The following CPSF4L variants were observed in gnomAD, a reference collection of about 807,000 sequenced individuals.
CPSF4L encodes putative cleavage and polyadenylation specificity factor subunit 4-like protein.
CPSF4L carries 18 observed loss-of-function variants against 24.0 expected under a neutral mutation model. That is an observed-to-expected ratio of 0.75 (90% CI 0.52 to 1.11). The LOEUF is 1.11. Among genes scored for constraint, CPSF4L ranks in the 50% least tolerant of loss-of-function variants. CPSF4L has a pLI of 0.00. For missense variants in CPSF4L, 211 were observed against 221.8 expected, an observed-to-expected ratio of 0.95 and a Z score of 0.31; for synonymous variants, 72 against 77.2, an observed-to-expected ratio of 0.93 and a Z score of 0.35.
At chr17:73,255,953 G>A (rs2062023633) in intron 3 of CPSF4L, among the ~76,000 whole-genome samples, 1 of 152,174 alleles carries the variant, frequency 6.6e-6, no homozygotes, top group African/African-American at 2.4e-5. Flanking sequence ...CAGTGACTCT[G>A]TCCCACTCCT....
At chr17:73,248,755 C>A in intron 5 of CPSF4L, 1 of 512,686 alleles carries the variant, frequency 2.0e-6, no homozygotes, top group Non-Finnish European at 3.5e-6. Flanking sequence ...GGATTAACCT[C>A]GGGGCGGCCT....
intron 3 of CPSF4L, among the ~76,000 whole-genome samples, chr17:73,254,937 C>T (rs1009830823): frequency 5.3e-5 from 8 of 152,156 alleles, no homozygotes; most frequent in Non-Finnish European, 8.8e-5. Context: ...CCACCACGCC[C>T]GGACCCAGGT....
At chr17:73,258,231 C>T (rs1290160931) in intron 2 of CPSF4L, among the ~76,000 whole-genome samples, 3 of 152,036 alleles carry the variant, frequency 2.0e-5, no homozygotes, top group Admixed American at 6.6e-5. Context: ...AGGATGGTCT[C>T]GATCTCCTGA....
intron 4 of CPSF4L, 26 bp from the exon 5 acceptor site, chr17:73,252,749 G>A (rs1220097932): frequency 6.7e-7 from 1 of 1,488,684 alleles, no homozygotes; most frequent in African/African-American, 1.4e-5. Context: ...AAAGTGATGA[G>A]AAGGATCCGC....
chr17:73,261,603 A>C, intron 1 of CPSF4L, 113 bp downstream of exon 1: 2 of 743,120 alleles, frequency 2.7e-6, no homozygotes, highest in Admixed American at 2.3e-5. Context: ...AGAGCTTGCA[A>C]TGAGCCGAGA....
intron 4 of CPSF4L, among the ~76,000 whole-genome samples, 195 bp downstream of exon 4, chr17:73,253,736 G>C (rs1462935787): frequency 1.3e-5 from 2 of 152,222 alleles, no homozygotes; most frequent in African/African-American, 4.8e-5. Flanking sequence ...AAGTCAGTCT[G>C]CCTCAAGCCT....
In CPSF4L at chr17:73,253,859, GC is replaced by G; in HGVS notation, c.403+71del. Reference sequence around the variant, plus strand: ...AAGGCACAGCCTCATCAGGAAAATGGCCCCTCCCCTGCTGAGAGCTCCCACC... The same window carrying G: ...AAGGCACAGCCTCATCAGGAAAATGGCCCTCCCCTGCTGAGAGCTCCCACC... On this transcript the variant is annotated intron_variant, in intron 4 of 5. Coordinates refer to ENST00000344935, the MANE Select transcript of CPSF4L (RefSeq NM_001129885.1). 4 of 973,956 alleles carry G rather than the reference GC, an allele frequency of 4.1e-6. No individual in the cohort carries two copies. In the South Asian group the frequency reaches 6.0e-5, roughly 15 times the overall value. The allele number at this position is 973,956 out of a possible 1,614,324, so 60.3% of individuals were successfully genotyped here.
At chr17:73,253,149 C>T (rs1177548848) in intron 4 of CPSF4L, among the ~76,000 whole-genome samples, 2 of 152,098 alleles carry the variant, frequency 1.3e-5, no homozygotes, top group Non-Finnish European at 2.9e-5. Context: ...CACTTCAGCC[C>T]AGGAGTTCGA....
upstream of CPSF4L, among the ~76,000 whole-genome samples, chr17:73,262,706 C>G (rs1274016158): frequency 6.6e-6 from 1 of 152,236 alleles, no homozygotes; most frequent in Non-Finnish European, 1.5e-5. Context: ...TCCCCCTCCC[C>G]CTGCTCTGGC....
chr17:73,246,422 G>A (rs1393695744), downstream of CPSF4L, among the ~76,000 whole-genome samples: 1 of 152,132 alleles, frequency 6.6e-6, no homozygotes, highest in East Asian at 1.9e-4. Context: ...TGTAGTCCCA[G>A]CTACTCAGGA....
At chr17:73,248,557 C>G in intron 5 of CPSF4L, 21 bp from the exon 6 acceptor site, 1 of 1,551,458 alleles carries the variant, frequency 6.4e-7, no homozygotes, top group Non-Finnish European at 8.7e-7. Flanking sequence ...CATACAAATG[C>G]AGCGTGAGAA....
In CPSF4L at chr17:73,248,520, T is replaced by C; in HGVS notation, c.514A>G (p.Lys172Glu). Residue 172 changes from lysine (K) to glutamate (E), a missense_variant, in exon 6 of 6, where the codon AAG becomes GAG. Transcript: ENST00000344935. ...TAGATCTTGCTTCCAGGCAGCAGCT[T>C]GAATTCCCGAATCTTCCTGCAAGGT... is the stretch of plus-strand genomic sequence containing the variant. ...CQFAQKIREF[K>E]LLPGSKI 6.4e-7 allele frequency: 1 copy of C among 1,551,690 alleles called. No individual in the cohort carries two copies. Among genetic ancestry groups the C allele is most frequent in the South Asian group, 1.2e-5 (1 of 84,054 alleles).
intron 2 of CPSF4L, among the ~76,000 whole-genome samples, chr17:73,260,716 G>C (rs12603155): frequency 0.042 from 6,359 of 152,232 alleles, 302 homozygotes; most frequent in African/African-American, 0.11. Context: ...GCAGTGAGTT[G>C]AGATCACGCC....
intron 3 of CPSF4L, 117 bp from the exon 4 acceptor site, chr17:73,254,143 A>G (rs915221239): frequency 2.7e-6 from 2 of 731,044 alleles, no homozygotes; most frequent in South Asian, 1.7e-5. Context: ...TTATTCTGGG[A>G]GTCACCAGCT....
chr17:73,242,725 T>C, the CPSF4L span, among the ~76,000 whole-genome samples: 3 of 152,234 alleles, frequency 2.0e-5, no homozygotes, highest in African/African-American at 7.2e-5. Flanking sequence ...AATTTGAATC[T>C]AGTCAAGTTA....
intron 5 of CPSF4L, 114 bp downstream of exon 5, chr17:73,252,516 C>G (rs1411835275): frequency 1.4e-6 from 1 of 720,948 alleles, no homozygotes; most frequent in Non-Finnish European, 2.5e-6. Flanking sequence ...GGAGCGGATG[C>G]TTGCCAGATG....
Position 73,261,471 on chromosome 17 carries a change from C to T in CPSF4L, c.103+245G>A, listed in dbSNP as rs920763481. Among the ~76,000 whole-genome samples the T allele has an allele frequency of 1.1e-4, 16 of 152,182 alleles. 1 individual carries two copies. The highest frequency in any genetic ancestry group is 3.6e-4 in the African/African-American group (15 of 41,532). ...GGTCAGGAGATTGAGACCATCCTGG[C>T]TAACATGGTGAAACCCGGTCTCTAC... On this transcript the variant is annotated intron_variant, in intron 1 of 5. Transcript: ENST00000344935.
At position 73,261,837 on chromosome 17, in the gene CPSF4L, G is replaced by T; in HGVS notation, c.-19C>A. Reference sequence around the variant, plus strand: ...CTTGCATCTTCCGTCTCCTGCTGGGGCTGCGGAAGCTGCTGGAACCCAGGC... The same window carrying T: ...CTTGCATCTTCCGTCTCCTGCTGGGTCTGCGGAAGCTGCTGGAACCCAGGC... On this transcript the variant is annotated 5_prime_UTR_variant, in exon 1 of 6. Transcript: ENST00000344935. The T allele has an allele frequency of 3.2e-6, 5 of 1,538,560 alleles. No individual in the cohort carries two copies. The highest frequency in any genetic ancestry group is 1.8e-6 in the Non-Finnish European group (2 of 1,135,218).
At chr17:73,248,943 T>C (rs886945287) in intron 5 of CPSF4L, 4 of 166,918 alleles carry the variant, frequency 2.4e-5, no homozygotes, top group African/African-American at 9.6e-5. Flanking sequence ...AATAAAATTA[T>C]TTGTAAAATA....
Sources: gnomAD v4.1 joint callset for allele counts (sites outside exome capture counted in the v4.1 genomes callset) on GRCh38, gnomAD v4.1.1 for gene constraint, MANE v1.5 for transcripts, NCBI Gene and HGNC (gene_info 2026-07-23, HGNC 2026-07-21) for gene names.